PPP1R12B: variants seen among roughly 807,000 people sequenced by gnomAD.
PPP1R12B encodes the protein protein phosphatase 1 regulatory subunit 12B.
Under a neutral mutation model 126.1 loss-of-function variants are expected in PPP1R12B, and 76 were observed. The observed-to-expected ratio is 0.60, with a 90% confidence interval of 0.50 to 0.73. The LOEUF (loss-of-function observed/expected upper bound fraction) is 0.73. Ranked by LOEUF, PPP1R12B falls within the 30% of genes least tolerant of loss-of-function variation. PPP1R12B has a pLI of 0.00. For synonymous variants in PPP1R12B, 356 were observed against 434.7 expected, an observed-to-expected ratio of 0.82 and a Z score of 2.25; for missense variants, 1,052 against 1,205.1, an observed-to-expected ratio of 0.87 and a Z score of 1.88.
chr1:202,591,398 G>A lies in PPP1R12B; in HGVS notation c.*10838G>A, dbSNP rs759789708. 2 of 152,560 alleles carry A rather than the reference G, an allele frequency of 1.3e-5. No homozygotes were observed. The highest frequency in any genetic ancestry group is 4.8e-5 in the African/African-American group (2 of 41,446). The allele number at this position is 152,560 out of a possible 1,614,324, so 9.5% of individuals were successfully genotyped here. ...CCATGGGGCCAGGGGCCGCAGGCAG[G>A]GGGGCTACCTGTCCCTCTCAGTTCA... is the stretch of plus-strand genomic sequence containing the variant. On this transcript the variant is annotated 3_prime_UTR_variant, in exon 24 of 24. Transcript: ENST00000608999.
intron 1 of PPP1R12B, among the ~76,000 whole-genome samples, chr1:202,405,468 A>C (rs1409732614): frequency 3.9e-5 from 6 of 152,206 alleles, no homozygotes. Flanking sequence ...GCTCTTGTGT[A>C]GAAAGGAGGG....
chr1:202,486,808 A>C (rs1678195465), intron 13 of PPP1R12B, among the ~76,000 whole-genome samples: 1 of 152,214 alleles, frequency 6.6e-6, no homozygotes, highest in Non-Finnish European at 1.5e-5. Flanking sequence ...ACTCAAAAAT[A>C]AAAAACAAAA....
intron 1 of PPP1R12B, among the ~76,000 whole-genome samples, chr1:202,389,960 G>T (rs1334509295): frequency 5.3e-5 from 8 of 149,956 alleles, no homozygotes; most frequent in Non-Finnish European, 8.9e-5. Context: ...ACATGGAATT[G>T]CAAGGGACCC....
chr1:202,538,844 G>A (rs1684817292), intron 18 of PPP1R12B, among the ~76,000 whole-genome samples: 1 of 152,126 alleles, frequency 6.6e-6, no homozygotes, highest in African/African-American at 2.4e-5. Context: ...CTGTAGCCTT[G>A]CAATTGCACT....
intron 18 of PPP1R12B, among the ~76,000 whole-genome samples, chr1:202,554,943 T>TA (rs1686729099): frequency 6.6e-6 from 1 of 152,012 alleles, no homozygotes; most frequent in Non-Finnish European, 1.5e-5. Flanking sequence ...TATCATTACC[T>TA]TCCTCCACAT....
At chr1:202,418,736 C>T (rs1668404007) in intron 2 of PPP1R12B, among the ~76,000 whole-genome samples, 1 of 151,962 alleles carries the variant, frequency 6.6e-6, no homozygotes, top group South Asian at 2.1e-4. Context: ...TTTCACTATA[C>T]ATATCATTAT....
intron 18 of PPP1R12B, among the ~76,000 whole-genome samples, chr1:202,509,315 C>G (rs993927337): frequency 3.9e-5 from 6 of 152,174 alleles, no homozygotes; most frequent in Non-Finnish European, 7.3e-5. Flanking sequence ...AGGAAGCAAG[C>G]TGTAAAACTT....
At chr1:202,432,104 T>C (rs1341617063) in intron 8 of PPP1R12B, among the ~76,000 whole-genome samples, 1 of 152,154 alleles carries the variant, frequency 6.6e-6, no homozygotes, top group Admixed American at 6.5e-5. Context: ...GCTCTTAGGG[T>C]CAAACCAACT....
At chr1:202,558,443 G>A (rs113737011) in intron 18 of PPP1R12B, among the ~76,000 whole-genome samples, 117 of 152,274 alleles carry the variant, frequency 7.7e-4, no homozygotes, top group African/African-American at 2.6e-3. Context: ...TTCACTCAGG[G>A]CAAGTTTGGG....
chr1:202,540,158 C>T, intron 18 of PPP1R12B: 2 of 1,608,994 alleles, frequency 1.2e-6, no homozygotes, highest in South Asian at 1.1e-5. Flanking sequence ...TTTATATACC[C>T]GAAGTAAAGA....
intron 1 of PPP1R12B, among the ~76,000 whole-genome samples, chr1:202,408,867 A>T (rs1667001085): frequency 1.6e-5 from 2 of 127,744 alleles, no homozygotes. Flanking sequence ...TTTTTTTGAG[A>T]CAGGGTTTCA....
intron 18 of PPP1R12B, among the ~76,000 whole-genome samples, chr1:202,532,094 A>G (rs1684016860): frequency 6.6e-6 from 1 of 152,200 alleles, no homozygotes; most frequent in South Asian, 2.1e-4. Flanking sequence ...GAGGTGGGCA[A>G]TTTCCAGAAC....
chr1:202,572,998 T>C (rs145114767), intron 23 of PPP1R12B, among the ~76,000 whole-genome samples: 12 of 152,358 alleles, frequency 7.9e-5, no homozygotes, highest in African/African-American at 2.9e-4. Flanking sequence ...ACTTGTCAGA[T>C]TGAGTCACTT....
chr1:202,510,436 GTTTC>G (rs909723384), intron 18 of PPP1R12B, among the ~76,000 whole-genome samples: 39 of 152,284 alleles, frequency 2.6e-4, no homozygotes, highest in African/African-American at 9.1e-4. Flanking sequence ...CTTCCAAAGT[GTTTC>G]TTAACAGGCA....
chr1:202,462,850 AGT>A (rs1674492426), intron 13 of PPP1R12B: 1 of 985,174 alleles, frequency 1.0e-6, no homozygotes. Context: ...TTGCTGCACA[AGT>A]GTGTGGCAAG....
Position 202,427,064 on chromosome 1 carries a change from A to G in PPP1R12B, c.726A>G (p.Glu242=). Residue 242 remains glutamate (E), a synonymous_variant, in exon 5 of 24, where the codon GAA becomes GAG. Coordinates refer to ENST00000608999, the MANE Select transcript of PPP1R12B (RefSeq NM_002481.4). The part of the protein sequence containing the change: ...VLRLLIQAGY[E]LNVQDYDGWT... ...GACTTTTAATTCAGGCTGGCTATGA[A>G]CTCAATGTTCAGGATTATGATGGCT... 6.2e-7 allele frequency: 1 copy of G among 1,613,542 alleles called. No homozygotes were observed. The highest frequency in any genetic ancestry group is 1.1e-5 in the South Asian group (1 of 90,914).
At chr1:202,401,251 A>G (rs950114061) in intron 1 of PPP1R12B, among the ~76,000 whole-genome samples, 1 of 151,468 alleles carries the variant, frequency 6.6e-6, no homozygotes, top group Non-Finnish European at 1.5e-5. Context: ...GTATAATGGC[A>G]CAGTCATACC....
At chr1:202,430,940 A>G (rs1670116201) in intron 7 of PPP1R12B, 130 bp downstream of exon 7, 1 of 1,343,690 alleles carries the variant, frequency 7.4e-7, no homozygotes, top group Non-Finnish European at 9.7e-7. Context: ...CTTGTGGGAA[A>G]CTTGTGGGAA....
In PPP1R12B at chr1:202,437,906, GC is replaced by G; in HGVS notation, c.1342del (p.His448ThrfsTer4). Reference sequence around the variant, plus strand: ...AGATTGGGACTGAGAAAAACTGGCAGCCACAACATGCTGAGTGAGGTGGCCA... The same window carrying G: ...AGATTGGGACTGAGAAAAACTGGCAGCACAACATGCTGAGTGAGGTGGCCA... ...SWRLGLRKTG[S>X]HNMLSEVANS... On this transcript the variant is annotated frameshift_variant, in exon 10 of 24. Transcript: ENST00000608999. LOFTEE classifies it high-confidence loss of function. 6.2e-7 allele frequency: 1 copy of G among 1,613,934 alleles called. No homozygotes were observed. The highest frequency in any genetic ancestry group is 8.5e-7 in the Non-Finnish European group (1 of 1,179,818).
Sources: allele counts gnomAD v4.1 joint callset (sites outside exome capture counted in the v4.1 genomes callset), GRCh38; gene constraint gnomAD v4.1.1; transcripts MANE v1.5; gene names NCBI Gene and HGNC (gene_info 2026-07-23, HGNC 2026-07-21).